Variants in SYNDIG1 observed in about 807,000 individuals in gnomAD.
SYNDIG1 encodes synapse differentiation inducing 1, also known as synapse differentiation-inducing gene protein 1.
Under a neutral mutation model 19.4 loss-of-function variants are expected in SYNDIG1, and 9 were observed. That is an observed-to-expected ratio of 0.46 (90% CI 0.28 to 0.81). The LOEUF is 0.81. Ranked by LOEUF, SYNDIG1 falls within the 30% of genes least tolerant of loss-of-function variation. The probability of loss-of-function intolerance (pLI) is 0.12; values close to 1 mark genes in which losing one functional copy is unlikely to be tolerated. For missense variants in SYNDIG1, 311 were observed against 343.3 expected, an observed-to-expected ratio of 0.91 and a Z score of 0.74; for synonymous variants, 141 against 145.9, an observed-to-expected ratio of 0.97 and a Z score of 0.24.
chr20:24,630,114 G>C (rs1204919440), intron 3 of SYNDIG1, among the ~76,000 whole-genome samples: 1 of 152,198 alleles, frequency 6.6e-6, no homozygotes, highest in African/African-American at 2.4e-5. Context: ...ATAAGAAAAA[G>C]ACAAAGACCT....
intron 1 of SYNDIG1, among the ~76,000 whole-genome samples, chr20:24,527,915 C>A (rs1024430010): frequency 6.6e-6 from 1 of 152,152 alleles, no homozygotes; most frequent in Non-Finnish European, 1.5e-5. Context: ...AGACCACATC[C>A]GTAAAGAATC....
intron 3 of SYNDIG1, among the ~76,000 whole-genome samples, chr20:24,628,104 T>C (rs940928680): frequency 6.6e-6 from 1 of 152,190 alleles, no homozygotes; most frequent in Non-Finnish European, 1.5e-5. Flanking sequence ...GAGCTGTGAG[T>C]ACGGCTCGCT....
At chr20:24,566,336 T>TATA (rs1403893223) in intron 2 of SYNDIG1, among the ~76,000 whole-genome samples, 1 of 152,252 alleles carries the variant, frequency 6.6e-6, no homozygotes, top group Non-Finnish European at 1.5e-5. Flanking sequence ...TTTGGCTGAT[T>TATA]CATCTAAGAT....
intron 1 of SYNDIG1, among the ~76,000 whole-genome samples, chr20:24,541,777 T>TA (rs1180249393): frequency 1.3e-5 from 2 of 151,974 alleles, no homozygotes; most frequent in African/African-American, 4.8e-5. Flanking sequence ...AAAAAATAAA[T>TA]AAAAAATCCC....
intron 3 of SYNDIG1, among the ~76,000 whole-genome samples, chr20:24,636,195 T>C (rs145074687): frequency 6.6e-6 from 1 of 152,226 alleles, no homozygotes; most frequent in East Asian, 1.9e-4. Context: ...TGAGAAAGCT[T>C]AACTTCTTTT....
chr20:24,584,721 A>G, intron 2 of SYNDIG1, 135 bp from the exon 3 acceptor site: 5 of 1,222,482 alleles, frequency 4.1e-6, no homozygotes, highest in Non-Finnish European at 5.9e-6. Flanking sequence ...GATGACTCGA[A>G]CAACGTCAGC....
At chr20:24,629,496 G>T (rs981803643) in intron 3 of SYNDIG1, among the ~76,000 whole-genome samples, 1 of 152,094 alleles carries the variant, frequency 6.6e-6, no homozygotes, top group Non-Finnish European at 1.5e-5. Flanking sequence ...GGAGGCAGAG[G>T]AGGAGGAAGG....
At chr20:24,597,878 T>C (rs1282809195) in intron 3 of SYNDIG1, among the ~76,000 whole-genome samples, 5 of 152,188 alleles carry the variant, frequency 3.3e-5, no homozygotes, top group African/African-American at 1.2e-4. Flanking sequence ...CATAGAAGAC[T>C]GCCTTTCCTC....
chr20:24,551,585 CTTAT>C (rs952698793), intron 2 of SYNDIG1, among the ~76,000 whole-genome samples: 2 of 151,380 alleles, frequency 1.3e-5, no homozygotes, highest in African/African-American at 4.9e-5. Flanking sequence ...GCTGGGATTA[CTTAT>C]TTGACATTTG....
At chr20:24,485,000 G>A (rs2055915628) in intron 1 of SYNDIG1, among the ~76,000 whole-genome samples, 1 of 152,080 alleles carries the variant, frequency 6.6e-6, no homozygotes, top group Non-Finnish European at 1.5e-5. Context: ...TCCAGCCAGA[G>A]CAGGTTGTTA....
intron 3 of SYNDIG1, among the ~76,000 whole-genome samples, chr20:24,601,423 G>A (rs1448744817): frequency 6.6e-6 from 1 of 152,114 alleles, no homozygotes; most frequent in Non-Finnish European, 1.5e-5. Flanking sequence ...GGAGCTCTTT[G>A]AGCCTGGACT....
chr20:24,659,997 A>G (rs747109059), intron 3 of SYNDIG1, among the ~76,000 whole-genome samples: 6 of 152,164 alleles, frequency 3.9e-5, no homozygotes, highest in Non-Finnish European at 7.4e-5. Context: ...TTTCCATGCC[A>G]ACAGCAGAGG....
chr20:24,652,736 A>T (rs559626676), intron 3 of SYNDIG1, among the ~76,000 whole-genome samples: 1 of 152,248 alleles, frequency 6.6e-6, no homozygotes, highest in African/African-American at 2.4e-5. Context: ...GTGCCCAGCC[A>T]TGTGCAGGGG....
At chr20:24,626,067 CAGGGTGG>C (rs2059125060) in intron 3 of SYNDIG1, among the ~76,000 whole-genome samples, 1 of 149,702 alleles carries the variant, frequency 6.7e-6, no homozygotes, top group Non-Finnish European at 1.5e-5. Flanking sequence ...CCCTCCCGGA[CAGGGTGG>C]CTGGCTGGGC....
intron 1 of SYNDIG1, among the ~76,000 whole-genome samples, chr20:24,527,069 T>G (rs921333728): frequency 8.5e-5 from 13 of 152,218 alleles, no homozygotes; most frequent in Admixed American, 8.5e-4. Flanking sequence ...ACAGGTAGCG[T>G]CCTTTGAGGT....
intron 2 of SYNDIG1, among the ~76,000 whole-genome samples, chr20:24,565,328 A>G (rs1055674323): frequency 2.0e-5 from 3 of 152,362 alleles, no homozygotes; most frequent in Admixed American, 1.3e-4. Flanking sequence ...ATAACCTTAC[A>G]TAAGACATGG....
intron 2 of SYNDIG1, among the ~76,000 whole-genome samples, chr20:24,550,573 A>G (rs2057686730): frequency 6.7e-6 from 1 of 149,946 alleles, no homozygotes; most frequent in African/African-American, 2.5e-5. Context: ...CAGTGGCGCG[A>G]TCTTGGCTCA....
intron 3 of SYNDIG1, among the ~76,000 whole-genome samples, chr20:24,610,247 G>GAT (rs771648630): frequency 2.0e-5 from 3 of 152,152 alleles, no homozygotes; most frequent in Non-Finnish European, 4.4e-5. Flanking sequence ...GCATTCCTGT[G>GAT]ATAATTTTGA....
In SYNDIG1 at chr20:24,543,067, C is replaced by T; in HGVS notation, c.-31C>T. The T allele has an allele frequency of 1.9e-6, 3 of 1,597,424 alleles. No homozygotes were observed. The South Asian group carries it at 3.4e-5, about 18-fold the overall frequency. The stretch of plus-strand genomic sequence containing the variant: ...AGTGTAACCTACATTCCCAGCCCAC[C>T]AGCCTGACGCCCAGCCAGGGAGAGA... On this transcript the variant is annotated 5_prime_UTR_variant, in exon 2 of 4. Transcript: ENST00000376862.
Sources: gnomAD v4.1 joint callset for allele counts (sites outside exome capture counted in the v4.1 genomes callset) on GRCh38, gnomAD v4.1.1 for gene constraint, MANE v1.5 for transcripts, NCBI Gene and HGNC (gene_info 2026-07-23, HGNC 2026-07-21) for gene names.